PAXX: variants seen among roughly 807,000 people sequenced by gnomAD.
The protein encoded by PAXX is PAXX non-homologous end joining factor, also known as protein PAXX.
PAXX carries 27 observed loss-of-function variants against 25.6 expected under a neutral mutation model. That is an observed-to-expected ratio of 1.06 (90% CI 0.78 to 1.46). The LOEUF is 1.46. PAXX is among the 40% of genes most tolerant of loss of function. The pLI, the probability that PAXX is intolerant of heterozygous loss-of-function variation, is 0.00. For synonymous variants in PAXX, 126 were observed against 125.7 expected, an observed-to-expected ratio of 1.00 and a Z score of -0.02; for missense variants, 295 against 280.2, an observed-to-expected ratio of 1.05 and a Z score of -0.38.
Position 136,993,842 on chromosome 9 carries a change from C to T in PAXX, c.*37C>T, listed in dbSNP as rs1830650390. ...AAGCGTGGCCCCGCGGGGAGTCCGC[C>T]TATGAGGGGAGAGGCAGTCTTTGAG... On this transcript the variant is annotated 3_prime_UTR_variant, in exon 7 of 7. Coordinates refer to ENST00000371620, the MANE Select transcript of PAXX (RefSeq NM_183241.3). 3.7e-6 allele frequency: 6 copies of T among 1,609,416 alleles called. No individual in the cohort carries two copies. The highest frequency in any genetic ancestry group is 4.2e-6 in the Non-Finnish European group (5 of 1,179,064).
rs751416028 is a variant in PAXX at position 136,993,584 on chromosome 9, A to T, written c.495A>T (p.Pro165=). 6.2e-7 allele frequency: 1 copy of T among 1,613,892 alleles called. No homozygotes were observed. The highest frequency in any genetic ancestry group is 1.1e-5 in the South Asian group (1 of 91,088). Reference sequence around the variant, plus strand: ...CCCTGTCCTGTTTTCCCCCAGACCCAGATCCCCAGAGAGGTGGCCCTGGAC... The same window carrying T: ...CCCTGTCCTGTTTTCCCCCAGACCCTGATCCCCAGAGAGGTGGCCCTGGAC... The part of the protein sequence containing the change: ...PAGPQLFLPD[P]DPQRGGPGPG... Residue 165 remains proline, a synonymous_variant, in exon 6 of 7, where the codon CCA becomes CCT. Coordinates refer to ENST00000371620, the MANE Select transcript of PAXX (RefSeq NM_183241.3).
rs201409212 is a variant in PAXX at position 136,993,669 on chromosome 9, C to T, written c.575+5C>T. 6.7e-4 allele frequency: 1,078 copies of T among 1,613,598 alleles called. 8 individuals carry two copies. The highest frequency in any genetic ancestry group is 1.4e-4 in the Non-Finnish European group (164 of 1,179,906). On this transcript the variant is annotated splice_donor_5th_base_variant and intron_variant, in intron 6 of 6. Transcript: ENST00000371620. The stretch of plus-strand genomic sequence containing the variant: ...CATCAACCCCGGGTTCAAGAGGTAC[C>T]CTCCCACAGCCCCCTTCCTGCGCCC...
chr9:136,992,947 C>A lies in PAXX; in HGVS notation c.203C>A (p.Ala68Glu), dbSNP rs995550198. 1 of 1,613,448 alleles carries A rather than the reference C, an allele frequency of 6.2e-7. No homozygotes were observed. Among genetic ancestry groups the A allele is most frequent in the African/African-American group, 1.3e-5 (1 of 74,910 alleles). ...AALKARFGLS[A>E]AEDITPRFRA... Reference sequence around the variant, plus strand: ...TAGAAAGCCCGTTTTGGCCTGAGTGCGGCTGAGGACATCACCCCCCGGTTC... The same window carrying A: ...TAGAAAGCCCGTTTTGGCCTGAGTGAGGCTGAGGACATCACCCCCCGGTTC... The change falls in exon 3 of 7, where the codon GCG becomes GAG. Residue 68 changes from alanine (A) to glutamate (E), a missense_variant. By Grantham distance (107) the Ala-to-Glu change is moderately radical. Transcript: ENST00000371620.
In PAXX at chr9:136,992,638, A is replaced by T. The variant is rs1167763035; in HGVS notation, c.120-2A>T. 1.3e-6 allele frequency: 2 copies of T among 1,541,958 alleles called. No individual in the cohort carries two copies. The highest frequency in any genetic ancestry group is 2.0e-5 in the Admixed American group (1 of 50,988). On this transcript the variant is annotated splice_acceptor_variant, in intron 1 of 6. Transcript: ENST00000371620. LOFTEE classifies it high-confidence loss of function. ...CCCCGCCTGACAGGCCTTCTCCCCC[A>T]GCGTGACCGACGCCGCGGAGCTTTG...
chr9:136,993,373 A>G lies in PAXX; in HGVS notation c.452A>G (p.Lys151Arg). 2 of 1,606,548 alleles carry G rather than the reference A, an allele frequency of 1.2e-6. No individual in the cohort carries two copies. The highest frequency in any genetic ancestry group is 2.2e-5 in the South Asian group (2 of 90,182). ...AAEETAVSPR[K>R]SPRPAGPQLF... ...GAAGAGACAGCTGTCAGCCCGAGGA[A>G]GAGCCCCCGGCCTGCAGGGCCTCAG... The change falls in exon 5 of 7, where the codon AAG (lysine) becomes AGG (arginine). Residue 151 changes from lysine to arginine, a missense_variant. Coordinates refer to ENST00000371620, the MANE Select transcript of PAXX (RefSeq NM_183241.3).
In PAXX at chr9:136,993,637, A is replaced by T. The variant is rs778113991; in HGVS notation, c.548A>T (p.Glu183Val). 4 of 1,613,646 alleles carry T rather than the reference A, an allele frequency of 2.5e-6. No individual in the cohort carries two copies. The East Asian group carries it at 8.9e-5, about 36-fold the overall frequency. ...GGAGTCAGGAGGCGGTGTCCAGGAG[A>T]GTCGCTCATCAACCCCGGGTTCAAG... is the stretch of plus-strand genomic sequence containing the variant. ...GPGVRRRCPG[E>V]SLINPGFKSK... Residue 183 changes from glutamate to valine, a missense_variant, in exon 6 of 7, where the codon GAG becomes GTG. Physicochemically the swap from Glu to Val is moderately radical, Grantham distance 121 (BLOSUM62 -2). Coordinates refer to ENST00000371620, the MANE Select transcript of PAXX (RefSeq NM_183241.3).
intron 1 of PAXX, 32 bp from the exon 2 acceptor site, chr9:136,992,608 G>T: frequency 6.5e-7 from 1 of 1,532,316 alleles, no homozygotes; most frequent in East Asian, 2.5e-5. Flanking sequence ...GAGCTCCGCG[G>T]GCGGCCCCGC....
Position 136,992,506 on chromosome 9 carries a change from G to T in PAXX, c.63G>T (p.Val21=). 1 of 1,435,250 alleles carries T rather than the reference G, an allele frequency of 7.0e-7. No individual in the cohort carries two copies. The highest frequency in any genetic ancestry group is 9.2e-7 in the Non-Finnish European group (1 of 1,091,046). 88.9% of individuals were successfully genotyped at this position (1,435,250 alleles called of 1,614,324 possible). A position where few individuals can be genotyped will look rare whatever the true frequency, so the allele number is the denominator to read the frequency against. ...CGGGCCCCGAGCCGCCCCGCTTCGT[G>T]TGCTACTGCGAAGGGGAGGAAAGCG... is the stretch of plus-strand genomic sequence containing the variant. ...LPPGPEPPRF[V]CYCEGEESGE... Residue 21 remains valine (V), a synonymous_variant, in exon 1 of 7, where the codon GTG becomes GTT. Transcript: ENST00000371620.
At position 136,992,698 on chromosome 9, in the gene PAXX, C is replaced by A; in HGVS notation, c.178C>A (p.Leu60Ile). Reference sequence around the variant, plus strand: ...CTTCACGCCGGACAGCCTGGCGGCCCTCGTGGGTAACTGGGCGGGTCTGGG... The same window carrying A: ...CTTCACGCCGGACAGCCTGGCGGCCATCGTGGGTAACTGGGCGGGTCTGGG... ...TCFTPDSLAA[L>I]KARFGLSAAE... The change falls in exon 2 of 7, where the codon CTC (leucine) becomes ATC (isoleucine). Residue 60 changes from leucine (L) to isoleucine (I), a missense_variant and splice_region_variant. Transcript: ENST00000371620. 6.5e-7 allele frequency: 1 copy of A among 1,540,766 alleles called. No homozygotes were observed. Among genetic ancestry groups the A allele is most frequent in the Non-Finnish European group, 8.7e-7 (1 of 1,146,988 alleles).
chr9:136,992,875 A>T (rs1321676570), intron 2 of PAXX, 50 bp from the exon 3 acceptor site: 1 of 1,612,564 alleles, frequency 6.2e-7, no homozygotes, highest in Non-Finnish European at 8.5e-7. Flanking sequence ...GGGTGCCCCC[A>T]GTGGGCCTCG....
Position 136,992,440 on chromosome 9 carries a change from C to T in PAXX, c.-4C>T, listed in dbSNP as rs1830596238. 3.3e-6 allele frequency: 4 copies of T among 1,221,054 alleles called. No individual in the cohort carries two copies. In the African/African-American group the frequency reaches 4.8e-5, roughly 15 times the overall value. 75.6% of individuals were successfully genotyped at this position (1,221,054 alleles called of 1,614,324 possible). On this transcript the variant is annotated 5_prime_UTR_variant, in exon 1 of 7. Transcript: ENST00000371620. ...CCCCGCCGGGTTCCCGCTCGCCCGG[C>T]GCCATGGATCCGCTGTCGCCGCCGC...
intron 4 of PAXX, 29 bp from the exon 5 acceptor site, chr9:136,993,314 G>A (rs778477084): frequency 6.3e-7 from 1 of 1,597,452 alleles, no homozygotes; most frequent in South Asian, 1.1e-5. Context: ...CTGGCACTGA[G>A]TGGGGTTCCC....
chr9:136,993,740 A>G (rs767208768), intron 6 of PAXX, 26 bp from the exon 7 acceptor site: 42 of 1,613,714 alleles, frequency 2.6e-5, no homozygotes, highest in Non-Finnish European at 3.4e-5. Context: ...CCATAGTGCC[A>G]TAGTGACACC....
chr9:136,993,582 C>A lies in PAXX; in HGVS notation c.493C>A (p.Pro165Thr). ...PAGPQLFLPDPDPQRGGPGPG... is the reference protein window; with the variant it reads ...PAGPQLFLPDTDPQRGGPGPG... ...GCCCCTGTCCTGTTTTCCCCCAGAC[C>A]CAGATCCCCAGAGAGGTGGCCCTGG... Residue 165 changes from proline (P) to threonine (T), a missense_variant and splice_region_variant, in exon 6 of 7, where the codon CCA becomes ACA. Pro to Thr is a conservative substitution (Grantham distance 38). Coordinates refer to ENST00000371620, the MANE Select transcript of PAXX (RefSeq NM_183241.3). 6.2e-7 allele frequency: 1 copy of A among 1,613,900 alleles called. No individual in the cohort carries two copies. The highest frequency in any genetic ancestry group is 8.5e-7 in the Non-Finnish European group (1 of 1,179,992).
In PAXX at chr9:136,992,565, G is replaced by A; in HGVS notation, c.119+3G>A. ...GACCGCGGCGGCTTCAACCTCTAGT[G>A]AGTGGGGGTCCGCGGGGAGGTAGGG... On this transcript the variant is annotated splice_donor_region_variant and intron_variant, in intron 1 of 6. Transcript: ENST00000371620. 2.0e-6 allele frequency: 3 copies of A among 1,505,302 alleles called. No individual in the cohort carries two copies. The South Asian group carries it at 3.8e-5, about 19-fold the overall frequency. 93.2% of individuals were successfully genotyped at this position (1,505,302 alleles called of 1,614,324 possible). A position where few individuals can be genotyped will look rare whatever the true frequency, so the allele number is the denominator to read the frequency against.
intron 5 of PAXX, 49 bp from the exon 6 acceptor site, chr9:136,993,531 T>C: frequency 1.9e-6 from 3 of 1,608,252 alleles, no homozygotes; most frequent in Non-Finnish European, 1.7e-6. Flanking sequence ...AAGGTTGTGG[T>C]TGGGATGCTG....
Position 136,993,862 on chromosome 9 carries a change from T to C in PAXX, c.*57T>C. Reference sequence around the variant, plus strand: ...TCCGCCTATGAGGGGAGAGGCAGTCTTTGAGGCCCCCATCAGAGACCCCCC... The same window carrying C: ...TCCGCCTATGAGGGGAGAGGCAGTCCTTGAGGCCCCCATCAGAGACCCCCC... On this transcript the variant is annotated 3_prime_UTR_variant, in exon 7 of 7. Transcript: ENST00000371620. 1.3e-6 allele frequency: 2 copies of C among 1,582,982 alleles called. No individual in the cohort carries two copies. The highest frequency in any genetic ancestry group is 1.7e-6 in the Non-Finnish European group (2 of 1,160,854).
chr9:136,992,453 C>A lies in PAXX; in HGVS notation c.10C>A (p.Leu4Met). The A allele has an allele frequency of 7.7e-7, 1 of 1,300,756 alleles. No individual in the cohort carries two copies. The highest frequency in any genetic ancestry group is 1.0e-6 in the Non-Finnish European group (1 of 1,000,134). 80.6% of individuals were successfully genotyped at this position (1,300,756 alleles called of 1,614,324 possible). A position where few individuals can be genotyped will look rare whatever the true frequency, so the allele number is the denominator to read the frequency against. The change falls in exon 1 of 7, where the codon CTG becomes ATG. Residue 4 changes from leucine to methionine, a missense_variant. Transcript: ENST00000371620. MDP[L>M]SPPLCTLPPG... ...CCGCTCGCCCGGCGCCATGGATCCG[C>A]TGTCGCCGCCGCTCTGCACGCTGCC...
chr9:136,993,310 C>G (rs1416660425), intron 4 of PAXX, 33 bp from the exon 5 acceptor site: 1 of 1,595,506 alleles, frequency 6.3e-7, no homozygotes, highest in African/African-American at 1.3e-5. Context: ...ACTCCTGGCA[C>G]TGAGTGGGGT....
Sources: allele counts gnomAD v4.1 joint callset, GRCh38; gene constraint gnomAD v4.1.1; transcripts MANE v1.5; gene names NCBI Gene and HGNC (gene_info 2026-07-23, HGNC 2026-07-21).